ARHGAP22: variants seen among roughly 807,000 people sequenced by gnomAD.
ARHGAP22 encodes rho GTPase-activating protein 22.
ARHGAP22 carries 48 observed loss-of-function variants against 59.1 expected under a neutral mutation model. The observed-to-expected ratio is 0.81, with a 90% CI of 0.64 to 1.03. The LOEUF is 1.03. ARHGAP22 is among the 50% of genes least tolerant of loss of function. The pLI is 0.00. For missense variants in ARHGAP22, 1,015 were observed against 958.7 expected (o/e 1.06, Z -0.78); for synonymous variants, 445 against 416.4 (o/e 1.07, Z -0.84).
At chr10:48,648,590 C>A (rs1470944318) in intron 1 of ARHGAP22, among the ~76,000 whole-genome samples, 1 of 152,302 alleles carries the variant, frequency 6.6e-6, no homozygotes, top group East Asian at 1.9e-4. Flanking sequence ...GTAACTCATC[C>A]CATTCAGACT....
intron 3 of ARHGAP22, among the ~76,000 whole-genome samples, chr10:48,540,594 T>C (rs989786737): frequency 7.2e-5 from 11 of 152,156 alleles, no homozygotes; most frequent in Admixed American, 7.2e-4. Context: ...AATCTATATA[T>C]TTTTAGTGGG....
intron 3 of ARHGAP22, among the ~76,000 whole-genome samples, chr10:48,492,968 G>A (rs903746229): frequency 6.6e-6 from 1 of 152,150 alleles, no homozygotes; most frequent in Non-Finnish European, 1.5e-5. Flanking sequence ...AAATTATTCA[G>A]ATATTATACA....
chr10:48,487,120 T>C (rs1433303843), intron 3 of ARHGAP22, among the ~76,000 whole-genome samples: 1 of 152,240 alleles, frequency 6.6e-6, no homozygotes, highest in East Asian at 1.9e-4. Flanking sequence ...ATTTTGGCGA[T>C]TGGTACTTCA....
chr10:48,454,224 C>G, intron 6 of ARHGAP22, 63 bp from the exon 7 acceptor site: 6 of 1,389,636 alleles, frequency 4.3e-6, no homozygotes, highest in Non-Finnish European at 5.1e-6. Flanking sequence ...TCTCTGACTG[C>G]GAGGAGGGGT....
rs200365688 is a variant in ARHGAP22 at position 48,614,053 on chromosome 10, CA to C, written c.53-30902del. ...GCTGGTGCCATGCTCTTGGGCTTCCCATCCTCCAGAACTATAAGCCAAATAC... is the reference window on the plus strand; with the variant it reads ...GCTGGTGCCATGCTCTTGGGCTTCCCTCCTCCAGAACTATAAGCCAAATAC... On this transcript the variant is annotated intron_variant, in intron 1 of 9. Transcript: ENST00000435790. 8.3e-3 allele frequency among the ~76,000 whole-genome samples: 1,270 copies of C among 152,320 alleles called. 20 individuals carry two copies. The highest frequency in any genetic ancestry group is 0.029 in the African/African-American group (1,211 of 41,570).
chr10:48,516,358 C>G (rs1024246998), intron 3 of ARHGAP22, among the ~76,000 whole-genome samples: 10 of 152,020 alleles, frequency 6.6e-5, no homozygotes, highest in Non-Finnish European at 1.5e-4. Context: ...GACCCCATCT[C>G]TAAACTTTTT....
chr10:48,595,651 G>A (rs567002277), intron 1 of ARHGAP22, among the ~76,000 whole-genome samples: 2 of 152,238 alleles, frequency 1.3e-5, no homozygotes, highest in East Asian at 3.9e-4. Flanking sequence ...AGCCTTCTGA[G>A]TAGCTGAGAT....
At chr10:48,568,657 A>G (rs987265672) in intron 2 of ARHGAP22, among the ~76,000 whole-genome samples, 2 of 152,220 alleles carry the variant, frequency 1.3e-5, no homozygotes, top group African/African-American at 4.8e-5. Context: ...CTGCTGCACC[A>G]TTGTGATGCT....
upstream of ARHGAP22, chr10:48,605,085 G>A (rs1489762954): frequency 2.3e-6 from 3 of 1,332,768 alleles, no homozygotes; most frequent in South Asian, 3.5e-5. Context: ...GACCAGGGCG[G>A]GGCAGTCCCT....
At chr10:48,481,814 C>A (rs1235494918) in intron 3 of ARHGAP22, among the ~76,000 whole-genome samples, 1 of 152,164 alleles carries the variant, frequency 6.6e-6, no homozygotes, top group Non-Finnish European at 1.5e-5. Flanking sequence ...TTTTAGCCAT[C>A]CGAATAGGTG....
At chr10:48,629,837 A>G (rs866251721) in intron 1 of ARHGAP22, among the ~76,000 whole-genome samples, 7 of 152,250 alleles carry the variant, frequency 4.6e-5, no homozygotes, top group Non-Finnish European at 1.5e-5. Context: ...GCAAACACAG[A>G]ACAGCTCTCC....
chr10:48,496,015 C>T (rs1159346078), intron 3 of ARHGAP22, among the ~76,000 whole-genome samples: 1 of 152,136 alleles, frequency 6.6e-6, no homozygotes, highest in East Asian at 1.9e-4. Flanking sequence ...TTCAGATGAG[C>T]CCACAGTTGC....
chr10:48,467,479 G>C (rs577920910), intron 4 of ARHGAP22, among the ~76,000 whole-genome samples: 10 of 151,444 alleles, frequency 6.6e-5, no homozygotes, highest in Non-Finnish European at 1.3e-4. Context: ...AGCTTGTACT[G>C]AATATTTATT....
At chr10:48,504,421 C>A (rs971878071) in intron 3 of ARHGAP22, among the ~76,000 whole-genome samples, 1 of 152,168 alleles carries the variant, frequency 6.6e-6, no homozygotes, top group Non-Finnish European at 1.5e-5. Context: ...CCCCCGCTCT[C>A]CTGGAGAACC....
intron 1 of ARHGAP22, among the ~76,000 whole-genome samples, chr10:48,641,545 C>T (rs932110045): frequency 6.6e-6 from 1 of 152,164 alleles, no homozygotes; most frequent in Admixed American, 6.5e-5. Flanking sequence ...AATTCAACAG[C>T]CCTTCATACT....
At chr10:48,447,004 G>T (rs2045421651) in intron 9 of ARHGAP22, among the ~76,000 whole-genome samples, 1 of 152,108 alleles carries the variant, frequency 6.6e-6, no homozygotes, top group Non-Finnish European at 1.5e-5. Context: ...CTGTGCTGTG[G>T]CCTCCCCTCC....
At chr10:48,614,540 A>G (rs2061009234) in intron 1 of ARHGAP22, among the ~76,000 whole-genome samples, 1 of 152,232 alleles carries the variant, frequency 6.6e-6, no homozygotes, top group Non-Finnish European at 1.5e-5. Flanking sequence ...GGTGTCAGTT[A>G]AAATGGCAGA....
chr10:48,606,875 C>T (rs937424460), upstream of ARHGAP22, among the ~76,000 whole-genome samples: 1 of 152,190 alleles, frequency 6.6e-6, no homozygotes. Context: ...CCTCCCTGAG[C>T]CCCAGGCTGA....
chr10:48,493,301 A>C, intron 3 of ARHGAP22: 1 of 948,568 alleles, frequency 1.1e-6, no homozygotes, highest in South Asian at 1.6e-5. Context: ...CTGTCCTCCC[A>C]GTCTTCATTC....
Sources: gnomAD v4.1 joint callset for allele counts (sites outside exome capture counted in the v4.1 genomes callset) on GRCh38, gnomAD v4.1.1 for gene constraint, MANE v1.5 for transcripts, NCBI Gene and HGNC (gene_info 2026-07-23, HGNC 2026-07-21) for gene names.